Variants in DPP6 observed in about 807,000 individuals in gnomAD.
The protein encoded by DPP6 is A-type potassium channel modulatory protein DPP6.
In DPP6, 69 loss-of-function variants were observed where a neutral mutation model predicts 122.6. That is an observed-to-expected ratio of 0.56 (90% CI 0.46 to 0.69). The LOEUF (loss-of-function observed/expected upper bound fraction) is 0.69, where lower values mean the gene tolerates loss of function less well. Ranked by LOEUF, DPP6 falls within the 30% of genes least tolerant of loss-of-function variation. DPP6 has a pLI of 0.00. For synonymous variants in DPP6, 418 were observed against 433.1 expected (o/e 0.97, Z 0.43); for missense variants, 928 against 1,116.9 (o/e 0.83, Z 2.41).
chr7:154,452,993 G>T (rs1050897756), intron 2 of DPP6, among the ~76,000 whole-genome samples: 2 of 152,068 alleles, frequency 1.3e-5, no homozygotes, highest in East Asian at 3.8e-4. Context: ...TAGGCTCAAC[G>T]TTACATTTTT....
intron 8 of DPP6, among the ~76,000 whole-genome samples, chr7:154,751,491 T>A (rs1843381909): frequency 6.7e-6 from 1 of 149,404 alleles, no homozygotes. Context: ...GTGTCTGTTG[T>A]CCCCACTACT....
the DPP6 span, among the ~76,000 whole-genome samples, chr7:153,823,451 T>C: frequency 0.045 from 5,702 of 127,562 alleles, 157 homozygotes; most frequent in East Asian, 0.064. Context: ...GATGAAGAGT[T>C]GGGGTTGCAG....
At chr7:154,115,689 G>C (rs1355184688) in intron 1 of DPP6, among the ~76,000 whole-genome samples, 1 of 152,152 alleles carries the variant, frequency 6.6e-6, no homozygotes, top group Admixed American at 6.5e-5. Context: ...TCTGCTCTTA[G>C]AGTGTTATAC....
intron 1 of DPP6, among the ~76,000 whole-genome samples, chr7:154,311,524 G>T (rs568969770): frequency 1.3e-5 from 2 of 151,936 alleles, no homozygotes; most frequent in East Asian, 1.9e-4. Flanking sequence ...AAAAGAAAAA[G>T]AAAATCTGGG....
chr7:154,094,486 T>C (rs1275115474), intron 1 of DPP6: 1 of 152,414 alleles, frequency 6.6e-6, no homozygotes, highest in Non-Finnish European at 1.5e-5. Context: ...ATTCGGGCTC[T>C]GTGTGCTGAA....
intron 6 of DPP6, among the ~76,000 whole-genome samples, chr7:154,668,455 C>T (rs1838340202): frequency 6.6e-6 from 1 of 151,350 alleles, no homozygotes; most frequent in Non-Finnish European, 1.5e-5. Flanking sequence ...CTCCTGACCT[C>T]GTGATCGACC....
At chr7:154,030,766 C>A (rs1316170686) in intron 1 of DPP6, among the ~76,000 whole-genome samples, 2 of 152,116 alleles carry the variant, frequency 1.3e-5, no homozygotes, top group African/African-American at 4.8e-5. Context: ...ATAGGAAAAC[C>A]TTCCCCCCAG....
At chr7:154,680,322 C>T (rs934026524) in intron 7 of DPP6, among the ~76,000 whole-genome samples, 3 of 152,132 alleles carry the variant, frequency 2.0e-5, no homozygotes, top group African/African-American at 7.2e-5. Flanking sequence ...ACAGAAATCC[C>T]TCTAAAAAGA....
intron 8 of DPP6, among the ~76,000 whole-genome samples, chr7:154,732,930 C>A (rs1842407197): frequency 6.6e-6 from 1 of 152,178 alleles, no homozygotes; most frequent in South Asian, 2.1e-4. Context: ...GCTGGGAAGT[C>A]TCCTGCCAAC....
chr7:154,500,477 G>A (rs921451910), intron 3 of DPP6, among the ~76,000 whole-genome samples: 13 of 152,124 alleles, frequency 8.5e-5, no homozygotes, highest in African/African-American at 3.1e-4. Context: ...CATGTGTTGT[G>A]GCAGGAACCT....
the DPP6 span, among the ~76,000 whole-genome samples, chr7:153,754,477 AT>A: frequency 6.6e-6 from 1 of 151,714 alleles, no homozygotes; most frequent in Non-Finnish European, 1.5e-5. Flanking sequence ...TGCATTTAAG[AT>A]TTTTCTTTGG....
chr7:153,871,830 G>C, the DPP6 span, among the ~76,000 whole-genome samples: 1,668 of 152,282 alleles, frequency 0.011, 30 homozygotes, highest in African/African-American at 0.034. Flanking sequence ...AGTTTAGAGA[G>C]TCATTATTCC....
At chr7:154,536,336 C>T (rs1381608554) in intron 3 of DPP6, among the ~76,000 whole-genome samples, 1 of 152,072 alleles carries the variant, frequency 6.6e-6, no homozygotes, top group Non-Finnish European at 1.5e-5. Flanking sequence ...CTTTCACATC[C>T]CTTGTTAGAT....
In DPP6 at chr7:154,568,604, C is replaced by G. The variant is rs145639199; in HGVS notation, c.627+1688C>G. Among the ~76,000 whole-genome samples the G allele has an allele frequency of 6.8e-3, 1,034 of 152,306 alleles. 13 individuals are homozygous for G. The highest frequency in any genetic ancestry group is 0.022 in the African/African-American group (905 of 41,568). On this transcript the variant is annotated intron_variant, in intron 5 of 25. Transcript: ENST00000377770. ...CCACTTTCTTCGGCTTCCCAGCGCT[C>G]TGTTTGGAAGAGTGCCCTGGGATCC...
intron 1 of DPP6, among the ~76,000 whole-genome samples, chr7:153,947,681 G>A (rs909465899): frequency 6.6e-6 from 1 of 152,150 alleles, no homozygotes; most frequent in Non-Finnish European, 1.5e-5. Context: ...AGGTCATGGG[G>A]AAGCGTGACA....
At chr7:153,910,626 G>C (rs1024638535) in intron 1 of DPP6, among the ~76,000 whole-genome samples, 22 of 152,140 alleles carry the variant, frequency 1.4e-4, no homozygotes, top group African/African-American at 3.6e-4. Flanking sequence ...ATTTCCCCCA[G>C]ACTTCACCTC....
intron 1 of DPP6, among the ~76,000 whole-genome samples, chr7:154,343,490 A>T (rs1810106320): frequency 6.6e-6 from 1 of 152,264 alleles, no homozygotes; most frequent in Non-Finnish European, 1.5e-5. Flanking sequence ...ACCCGTGCAC[A>T]TGTAGGATTG....
At chr7:154,027,530 G>T (rs1451658282) in intron 1 of DPP6, among the ~76,000 whole-genome samples, 1 of 152,050 alleles carries the variant, frequency 6.6e-6, no homozygotes. Flanking sequence ...CATTCTTGTG[G>T]GCTTTATTCT....
intron 1 of DPP6, among the ~76,000 whole-genome samples, chr7:154,408,185 A>C (rs1488754275): frequency 6.6e-6 from 1 of 152,202 alleles, no homozygotes; most frequent in African/African-American, 2.4e-5. Context: ...AGAAAAATGA[A>C]ATATGAATTA....
Sources: gnomAD v4.1 joint callset for allele counts (sites outside exome capture counted in the v4.1 genomes callset) on GRCh38, gnomAD v4.1.1 for gene constraint, MANE v1.5 for transcripts, NCBI Gene and HGNC (gene_info 2026-07-23, HGNC 2026-07-21) for gene names.